The following VPS8 variants were observed in gnomAD, a reference collection of about 807,000 sequenced individuals.
VPS8 encodes vacuolar protein sorting-associated protein 8 homolog.
A neutral mutation model predicts 216.4 loss-of-function variants in VPS8; 129 were observed. The observed-to-expected ratio is 0.60, with a 90% CI of 0.52 to 0.69. VPS8 has a LOEUF of 0.69. Ranked by LOEUF, VPS8 falls within the 30% of genes least tolerant of loss-of-function variation. The pLI is 0.00. For missense variants in VPS8, 1,531 were observed against 1,683.5 expected (o/e 0.91, Z 1.59); for synonymous variants, 571 against 565.4 (o/e 1.01, Z -0.14).
intron 46 of VPS8, among the ~76,000 whole-genome samples, chr3:185,030,457 G>T (rs1235980572): frequency 6.6e-6 from 1 of 152,186 alleles, no homozygotes; most frequent in East Asian, 1.9e-4. Context: ...CCTCAGGCTG[G>T]TGGTGCCACT....
rs371835691 is a variant in VPS8 at position 185,018,858 on chromosome 3, C to T, written c.4003-5478C>T. ...CTGCCTGAATAGAACTGAGAGTGGTCGCTCGAGGCGCTGCTCGAACAGTCA... is the reference window on the plus strand; with the variant it reads ...CTGCCTGAATAGAACTGAGAGTGGTTGCTCGAGGCGCTGCTCGAACAGTCA... On this transcript the variant is annotated intron_variant, in intron 45 of 47. Coordinates refer to ENST00000625842, the MANE Select transcript of VPS8 (RefSeq NM_001009921.3). Among the ~76,000 whole-genome samples, 67 of 152,248 alleles carry T rather than the reference C, an allele frequency of 4.4e-4. 1 individual carries two copies. In the South Asian group the frequency reaches 0.011, roughly 24 times the overall value.
At position 184,967,557 on chromosome 3, in the gene VPS8, G is replaced by A. The variant is rs150589497; in HGVS notation, c.3316+844G>A. Among the ~76,000 whole-genome samples, 123 of 152,130 alleles carry A rather than the reference G, an allele frequency of 8.1e-4. 1 individual carries two copies. Among genetic ancestry groups the A allele is most frequent in the African/African-American group, 2.8e-3 (118 of 41,518 alleles). Reference sequence around the variant, plus strand: ...AAAATTATTTTAATAAATTGTGGTGGCCAGGCATGGTGGCTCACACCTGTA... The same window carrying A: ...AAAATTATTTTAATAAATTGTGGTGACCAGGCATGGTGGCTCACACCTGTA... On this transcript the variant is annotated intron_variant, in intron 39 of 47. Coordinates refer to ENST00000625842, the MANE Select transcript of VPS8 (RefSeq NM_001009921.3).
intron 36 of VPS8, 73 bp from the exon 37 acceptor site, chr3:184,957,301 T>C (rs1204519390): frequency 1.4e-6 from 2 of 1,453,322 alleles, no homozygotes; most frequent in African/African-American, 2.8e-5. Context: ...TGCTTTTTAC[T>C]GGTAGCTTTT....
intron 14 of VPS8, among the ~76,000 whole-genome samples, chr3:184,858,559 A>C (rs1453461030): frequency 6.6e-6 from 1 of 152,184 alleles, no homozygotes; most frequent in Non-Finnish European, 1.5e-5. Context: ...GAGCCAAATC[A>C]GTACTGTATG....
chr3:184,826,219 C>T lies in VPS8; in HGVS notation c.210C>T (p.Ser70=). The T allele has an allele frequency of 6.2e-7, 1 of 1,609,934 alleles. No individual in the cohort carries two copies. The highest frequency in any genetic ancestry group is 8.5e-7 in the Non-Finnish European group (1 of 1,177,556). The change falls in exon 3 of 48, where the codon AGC becomes AGT. Residue 70 remains serine, a synonymous_variant. Transcript: ENST00000625842. The part of the protein sequence containing the change: ...PQVDTPPTLE[S]ILNETDDEDE... Reference sequence around the variant, plus strand: ...TTGATACTCCTCCAACACTGGAAAGCATACTAAATGAGGTAAGTGAATATT... The same window carrying T: ...TTGATACTCCTCCAACACTGGAAAGTATACTAAATGAGGTAAGTGAATATT...
chr3:184,830,489 C>T (rs1468487381), intron 3 of VPS8, among the ~76,000 whole-genome samples: 2 of 151,136 alleles, frequency 1.3e-5, no homozygotes, highest in Non-Finnish European at 2.9e-5. Flanking sequence ...CACAAATCAG[C>T]TGAAATTTGA....
chr3:184,850,070 G>A, intron 10 of VPS8, 48 bp downstream of exon 10: 2 of 1,491,592 alleles, frequency 1.3e-6, no homozygotes, highest in Middle Eastern at 1.8e-4. Context: ...TTATGCCTTT[G>A]TGTTTATTTT....
chr3:184,966,731 A>C lies in VPS8; in HGVS notation c.3316+18A>C. ...AGGTGAAAGTAAGTTCTTGAAAATA[A>C]TTACAACATTTTTCATCCTTGGACC... On this transcript the variant is annotated intron_variant, in intron 39 of 47. Coordinates refer to ENST00000625842, the MANE Select transcript of VPS8 (RefSeq NM_001009921.3). The C allele has an allele frequency of 6.4e-7, 1 of 1,562,950 alleles. No individual in the cohort carries two copies. The highest frequency in any genetic ancestry group is 8.7e-7 in the Non-Finnish European group (1 of 1,145,040).
chr3:185,004,202 G>C (rs887153399), intron 45 of VPS8, among the ~76,000 whole-genome samples: 1 of 152,358 alleles, frequency 6.6e-6, no homozygotes, highest in African/African-American at 2.4e-5. Context: ...TGAGCAGTGA[G>C]TGAACGAGAC....
intron 31 of VPS8, among the ~76,000 whole-genome samples, chr3:184,928,214 T>G (rs1427349631): frequency 6.6e-6 from 1 of 152,210 alleles, no homozygotes; most frequent in Non-Finnish European, 1.5e-5. Context: ...GTAAACACTG[T>G]GGCGTTCTTT....
intron 36 of VPS8, among the ~76,000 whole-genome samples, chr3:184,941,708 T>A (rs2109332255): frequency 6.6e-6 from 1 of 152,218 alleles, no homozygotes; most frequent in East Asian, 1.9e-4. Flanking sequence ...TTCCCTCTTT[T>A]CCTCTCCCAT....
intron 45 of VPS8, among the ~76,000 whole-genome samples, chr3:185,005,771 T>G (rs185281308): frequency 6.6e-6 from 1 of 152,304 alleles, no homozygotes; most frequent in Non-Finnish European, 1.5e-5. Flanking sequence ...TTTATTGAAT[T>G]CCTTTGTCAG....
At chr3:185,018,985 C>T (rs560097634) in intron 45 of VPS8, among the ~76,000 whole-genome samples, 14 of 152,162 alleles carry the variant, frequency 9.2e-5, no homozygotes, top group Admixed American at 3.9e-4. Context: ...TAGAAGGGTA[C>T]GGATGAACCT....
In VPS8 at chr3:184,996,202, C is replaced by T. The variant is rs569531629; in HGVS notation, c.3667-130C>T. The T allele has an allele frequency of 9.7e-5, 110 of 1,133,012 alleles. 2 individuals carry two copies. The South Asian group carries it at 1.2e-3, about 13-fold the overall frequency. 70.2% of individuals were successfully genotyped at this position (1,133,012 alleles called of 1,614,324 possible). On this transcript the variant is annotated intron_variant, in intron 43 of 47. Coordinates refer to ENST00000625842, the MANE Select transcript of VPS8 (RefSeq NM_001009921.3). The stretch of plus-strand genomic sequence containing the variant: ...TTTTTTTGTTTCAACAATGTTATCC[C>T]TTTATAGTGTGTTTCAATTTTAGCT...
intron 1 of VPS8, chr3:184,816,069 G>C (rs947265009): frequency 1.3e-5 from 2 of 152,180 alleles, no homozygotes; most frequent in South Asian, 2.1e-4. Context: ...TTTAGGAGGA[G>C]TTCTTTGGAG....
At chr3:184,820,281 T>C (rs1577702968) in intron 1 of VPS8, among the ~76,000 whole-genome samples, 1 of 152,184 alleles carries the variant, frequency 6.6e-6, no homozygotes, top group East Asian at 1.9e-4. Flanking sequence ...TGTTTCCTTG[T>C]CTTTCGCAGC....
rs1731777163 is a variant in VPS8 at position 184,888,742 on chromosome 3, G to C, written c.1781+2586G>C. Among the ~76,000 whole-genome samples the C allele has an allele frequency of 2.6e-5, 4 of 152,282 alleles. No individual in the cohort carries two copies. In the South Asian group the frequency reaches 8.3e-4, roughly 32 times the overall value. ...AATTGAGATAATTTATAAATGAGATGAAGTGAAGTGCCTGAAGGACTAAAT... is the reference window on the plus strand; with the variant it reads ...AATTGAGATAATTTATAAATGAGATCAAGTGAAGTGCCTGAAGGACTAAAT... On this transcript the variant is annotated intron_variant, in intron 22 of 47. Transcript: ENST00000625842.
intron 45 of VPS8, among the ~76,000 whole-genome samples, chr3:185,018,132 G>A (rs1011671435): frequency 2.6e-5 from 4 of 152,122 alleles, no homozygotes; most frequent in African/African-American, 7.2e-5. Context: ...CTCCAATACC[G>A]TCACAGGCCT....
intron 42 of VPS8, among the ~76,000 whole-genome samples, chr3:184,990,081 GAAAAA>G (rs1199544123): frequency 5.3e-5 from 8 of 151,830 alleles, no homozygotes; most frequent in Admixed American, 5.2e-4. Flanking sequence ...CAAAAAAAAA[GAAAAA>G]AGAAAAGTGT....
Sources: gnomAD v4.1 joint callset for allele counts (sites outside exome capture counted in the v4.1 genomes callset) on GRCh38, gnomAD v4.1.1 for gene constraint, MANE v1.5 for transcripts, NCBI Gene and HGNC (gene_info 2026-07-23, HGNC 2026-07-21) for gene names.